Variants in RIT2 observed in about 807,000 individuals in gnomAD.
The protein encoded by RIT2 is Ras like without CAAX 2, also known as GTP-binding protein Rit2.
A neutral mutation model predicts 23.7 loss-of-function variants in RIT2; 24 were observed. The observed-to-expected ratio is 1.01, with a 90% CI of 0.73 to 1.43. The LOEUF (loss-of-function observed/expected upper bound fraction) is 1.43. Among genes scored for constraint, RIT2 ranks in the 40% most tolerant of loss-of-function variants. The pLI is 0.00. For synonymous variants in RIT2, 107 were observed against 91.1 expected (o/e 1.17, Z -0.99); for missense variants, 236 against 266.9 (o/e 0.88, Z 0.81).
chr18:42,791,779 AT>A (rs1273026697), intron 4 of RIT2, among the ~76,000 whole-genome samples: 1 of 151,884 alleles, frequency 6.6e-6, no homozygotes, highest in African/African-American at 2.4e-5. Context: ...CAATGGTTCA[AT>A]CTTTCTTCTG....
intron 2 of RIT2, among the ~76,000 whole-genome samples, chr18:43,030,098 C>G (rs1320238876): frequency 6.6e-6 from 1 of 151,948 alleles, no homozygotes; most frequent in Non-Finnish European, 1.5e-5. Context: ...CTAGTAATAA[C>G]ATATTGGGCA....
chr18:43,010,124 A>T (rs527264059), intron 2 of RIT2, among the ~76,000 whole-genome samples: 5 of 151,916 alleles, frequency 3.3e-5, no homozygotes, highest in Admixed American at 3.3e-4. Flanking sequence ...TACTACATAG[A>T]CTAAACCTTC....
At position 42,991,191 on chromosome 18, in the gene RIT2, C is replaced by T. The variant is rs921192989; in HGVS notation, c.161-17044G>A. ...TGATTGAGACAGAAGCAGCAATGCA[C>T]TTTCCCAGCCCCTTTTGCATAGAGG... On this transcript the variant is annotated intron_variant, in intron 2 of 4. Transcript: ENST00000326695. 2.6e-5 allele frequency among the ~76,000 whole-genome samples: 4 copies of T among 152,298 alleles called. No individual in the cohort carries two copies. The South Asian group carries it at 8.3e-4, about 32-fold the overall frequency.
At chr18:42,906,859 CA>C (rs915470161) in intron 4 of RIT2, among the ~76,000 whole-genome samples, 2 of 152,128 alleles carry the variant, frequency 1.3e-5, no homozygotes, top group Non-Finnish European at 2.9e-5. Context: ...TCTTTGTACA[CA>C]ACACTCAAGG....
chr18:43,110,444 C>T (rs1598789319), intron 1 of RIT2, among the ~76,000 whole-genome samples: 1 of 152,224 alleles, frequency 6.6e-6, no homozygotes. Context: ...GACAATATTT[C>T]ATCATGCTCT....
chr18:43,065,511 G>T (rs1912751736), intron 1 of RIT2, among the ~76,000 whole-genome samples: 1 of 151,698 alleles, frequency 6.6e-6, no homozygotes, highest in African/African-American at 2.4e-5. Context: ...TCCTTTGGTG[G>T]GCACTCATTA....
chr18:43,033,902 A>C (rs1911915542), intron 1 of RIT2, 35 bp from the exon 2 acceptor site: 1 of 1,387,518 alleles, frequency 7.2e-7, no homozygotes, highest in African/African-American at 1.4e-5. Context: ...TTTAATAAAA[A>C]TTCACTAATT....
chr18:42,975,183 T>C (rs1276751672), intron 2 of RIT2, among the ~76,000 whole-genome samples: 1 of 152,004 alleles, frequency 6.6e-6, no homozygotes, highest in African/African-American at 2.4e-5. Context: ...TCTCATTGTG[T>C]TTTTTATTTG....
intron 2 of RIT2, among the ~76,000 whole-genome samples, chr18:43,011,372 GA>G (rs376379786): frequency 9.4e-4 from 143 of 151,950 alleles, no homozygotes; most frequent in African/African-American, 3.2e-3. Flanking sequence ...AAAGGAGAGA[GA>G]TGTCCTCTGG....
At chr18:42,763,961 T>C (rs1913363314) in intron 4 of RIT2, among the ~76,000 whole-genome samples, 1 of 152,218 alleles carries the variant, frequency 6.6e-6, no homozygotes, top group Non-Finnish European at 1.5e-5. Context: ...ACTATAATCT[T>C]ATGGGACCAC....
At chr18:42,968,062 C>G (rs1257506865) in intron 3 of RIT2, among the ~76,000 whole-genome samples, 2 of 152,030 alleles carry the variant, frequency 1.3e-5, no homozygotes, top group African/African-American at 4.8e-5. Context: ...GGTTTATAAA[C>G]AATGTAAGAA....
chr18:43,070,361 C>A (rs1435394250), intron 1 of RIT2, among the ~76,000 whole-genome samples: 2 of 152,122 alleles, frequency 1.3e-5, no homozygotes, highest in African/African-American at 4.8e-5. Context: ...TTTCAGGAGA[C>A]AAAACCTATG....
At chr18:42,800,380 C>A (rs559070856) in intron 4 of RIT2, among the ~76,000 whole-genome samples, 23 of 152,162 alleles carry the variant, frequency 1.5e-4, no homozygotes, top group Non-Finnish European at 3.2e-4. Flanking sequence ...CTCTAGATTT[C>A]TGTGGTACTT....
chr18:42,997,541 C>T (rs1041858157), intron 2 of RIT2, among the ~76,000 whole-genome samples: 1 of 151,272 alleles, frequency 6.6e-6, no homozygotes, highest in Non-Finnish European at 1.5e-5. Flanking sequence ...AAAAGTTCAC[C>T]TTGTTTCATA....
intron 4 of RIT2, among the ~76,000 whole-genome samples, chr18:42,900,717 G>C (rs952726588): frequency 1.3e-5 from 2 of 152,020 alleles, no homozygotes; most frequent in Admixed American, 6.6e-5. Flanking sequence ...ATATGTGAGG[G>C]ATAACAGAGA....
At chr18:42,977,943 A>G (rs1245550836) in intron 2 of RIT2, among the ~76,000 whole-genome samples, 1 of 151,414 alleles carries the variant, frequency 6.6e-6, no homozygotes, top group East Asian at 1.9e-4. Context: ...TCCTCTCCCA[A>G]AAGAGAAATC....
At chr18:42,821,455 C>A (rs77237602) in intron 4 of RIT2, among the ~76,000 whole-genome samples, 7,517 of 152,066 alleles carry the variant, frequency 0.049, 579 homozygotes, top group East Asian at 0.32. Flanking sequence ...TACTTTAAAG[C>A]AGTAGTTGTC....
chr18:42,972,846 CTGTT>C (rs1055855813), intron 3 of RIT2, among the ~76,000 whole-genome samples: 3 of 151,662 alleles, frequency 2.0e-5, no homozygotes, highest in Non-Finnish European at 4.4e-5. Flanking sequence ...CTGAAGTATT[CTGTT>C]TAAGTTAAAT....
chr18:42,966,114 A>G (rs1204049435), intron 3 of RIT2, among the ~76,000 whole-genome samples: 2 of 152,100 alleles, frequency 1.3e-5, no homozygotes, highest in African/African-American at 4.8e-5. Flanking sequence ...AATTTTTTAT[A>G]TTCATAATTA....
Sources: gnomAD v4.1 joint callset for allele counts (sites outside exome capture counted in the v4.1 genomes callset) on GRCh38, gnomAD v4.1.1 for gene constraint, MANE v1.5 for transcripts, NCBI Gene and HGNC (gene_info 2026-07-23, HGNC 2026-07-21) for gene names.